The following RAB11A variants were observed in gnomAD, a reference collection of about 807,000 sequenced individuals.
RAB11A encodes RAB11A, member RAS oncogene family.
In RAB11A, 9 loss-of-function variants were observed where a neutral mutation model predicts 28.0. That is an observed-to-expected ratio of 0.32 (90% CI 0.19 to 0.56). The LOEUF is 0.56. Among genes scored for constraint, RAB11A ranks in the 20% least tolerant of loss-of-function variants. RAB11A has a pLI of 0.91. For synonymous variants in RAB11A, 85 were observed against 88.2 expected, an observed-to-expected ratio of 0.96 and a Z score of 0.20; for missense variants, 108 against 269.6, an observed-to-expected ratio of 0.40 and a Z score of 4.20.
chr15:65,878,726 G>A (rs982850794), intron 3 of RAB11A, among the ~76,000 whole-genome samples: 1 of 152,150 alleles, frequency 6.6e-6, no homozygotes, highest in African/African-American at 2.4e-5. Flanking sequence ...TCTTGCCTTT[G>A]CACTAATGCT....
At position 65,877,005 on chromosome 15, in the gene RAB11A, A is replaced by T. The variant is rs2078194995; in HGVS notation, c.41-327A>T. Among the ~76,000 whole-genome samples the T allele has an allele frequency of 6.6e-6, 1 of 152,202 alleles. No individual in the cohort carries two copies. The highest frequency in any genetic ancestry group is 2.4e-5 in the African/African-American group (1 of 41,444). ...AAGTAGTAAGATTGGCATAGCATTG[A>T]CGGTAATTAATGCCTGTCATCAATG... On this transcript the variant is annotated intron_variant, in intron 1 of 4. Transcript: ENST00000261890. The surrounding 1 kb of genome is among the most constrained non-coding windows in gnomAD (Gnocchi z 4.1).
chr15:65,883,253 C>G (rs2078234016), intron 4 of RAB11A, among the ~76,000 whole-genome samples: 1 of 152,224 alleles, frequency 6.6e-6, no homozygotes. Flanking sequence ...TCATGCGTTT[C>G]ATTCAGCAGT....
At chr15:65,875,128 TG>T (rs1215772863) in intron 1 of RAB11A, among the ~76,000 whole-genome samples, 2 of 152,118 alleles carry the variant, frequency 1.3e-5, no homozygotes, top group African/African-American at 4.8e-5. Context: ...TAGAGTACAG[TG>T]GTGCACAGTC....
At chr15:65,887,104 G>C (rs1003772281) in intron 4 of RAB11A, among the ~76,000 whole-genome samples, 8 of 151,794 alleles carry the variant, frequency 5.3e-5, no homozygotes, top group African/African-American at 1.7e-4. Flanking sequence ...TTGGGGTAAA[G>C]GTAGACTGAA....
At chr15:65,876,592 C>T (rs536236248) in intron 1 of RAB11A, among the ~76,000 whole-genome samples, 150 of 152,266 alleles carry the variant, frequency 9.9e-4, no homozygotes, top group African/African-American at 3.5e-3. Flanking sequence ...CCACCACACC[C>T]GGCACTTGCT....
intron 1 of RAB11A, among the ~76,000 whole-genome samples, chr15:65,875,708 C>T (rs959701232): frequency 1.8e-4 from 28 of 152,182 alleles, no homozygotes; most frequent in African/African-American, 6.5e-4. Flanking sequence ...GTACTCTGTC[C>T]AAGACTGTCC....
intron 1 of RAB11A, among the ~76,000 whole-genome samples, chr15:65,871,730 C>T (rs942651979): frequency 6.6e-6 from 1 of 152,122 alleles, no homozygotes; most frequent in African/African-American, 2.4e-5. Flanking sequence ...GATCCTGACT[C>T]AGGTCTTATA....
At chr15:65,872,255 T>G (rs911569536) in intron 1 of RAB11A, among the ~76,000 whole-genome samples, 2 of 150,682 alleles carry the variant, frequency 1.3e-5, no homozygotes, top group Non-Finnish European at 3.0e-5. Flanking sequence ...TGCCTGGCCT[T>G]TGTCAGTTTT....
chr15:65,877,313 G>A lies in RAB11A; in HGVS notation c.41-19G>A, dbSNP rs928570862. 7.5e-6 allele frequency: 12 copies of A among 1,589,960 alleles called. No homozygotes were observed. The highest frequency in any genetic ancestry group is 9.5e-6 in the Non-Finnish European group (11 of 1,163,596). ...ATGTTTGCCTCATTCATCTGACATTGAATTCTTTGTCTTTCCAGTTGTCCT... is the reference window on the plus strand; with the variant it reads ...ATGTTTGCCTCATTCATCTGACATTAAATTCTTTGTCTTTCCAGTTGTCCT... On this transcript the variant is annotated intron_variant, in intron 1 of 4. Transcript: ENST00000261890. The surrounding 1 kb of genome is among the most constrained non-coding windows in gnomAD (Gnocchi z 4.1).
Position 65,887,900 on chromosome 15 carries a change from A to C in RAB11A, c.*60A>C, listed in dbSNP as rs1596793812. On this transcript the variant is annotated 3_prime_UTR_variant, in exon 5 of 5. Transcript: ENST00000261890. ...GTCCATTTCCCAGGTCTGAGATTTA[A>C]ATATATTTGTAATTCTTGTGTCACT... The C allele has an allele frequency of 1.4e-6, 2 of 1,398,398 alleles. No homozygotes were observed. The allele number at this position is 1,398,398 out of a possible 1,614,324, so 86.6% of individuals were successfully genotyped here.
chr15:65,870,913 A>G (rs914667037), intron 1 of RAB11A, among the ~76,000 whole-genome samples: 1 of 151,982 alleles, frequency 6.6e-6, no homozygotes, highest in African/African-American at 2.4e-5. Flanking sequence ...TTTCAATGAG[A>G]AGAGAGTACA....
Position 65,869,548 on chromosome 15 carries a change from C to G in RAB11A, c.-38C>G, listed in dbSNP as rs1285514055. ...GCGACGCCCCCTGGTCCCACAGATA[C>G]CACTGCTGCTCCCGCCCTTTCGCTC... is the stretch of plus-strand genomic sequence containing the variant. On this transcript the variant is annotated 5_prime_UTR_variant, in exon 1 of 5. Coordinates refer to ENST00000261890, the MANE Select transcript of RAB11A (RefSeq NM_004663.5). 5 of 1,605,896 alleles carry G rather than the reference C, an allele frequency of 3.1e-6. No homozygotes were observed. The highest frequency in any genetic ancestry group is 2.2e-5 in the East Asian group (1 of 44,808).
At position 65,890,567 on chromosome 15, in the gene RAB11A, T is replaced by A. The variant is rs2078286128; in HGVS notation, c.*2727T>A. On this transcript the variant is annotated 3_prime_UTR_variant, in exon 5 of 5. Coordinates refer to ENST00000261890, the MANE Select transcript of RAB11A (RefSeq NM_004663.5). ...CAGTGATCTTTTAAGTTCTGAAGGG[T>A]TCTGCAGAAAAGTTACACTTCTTGA... 6.6e-6 allele frequency: 1 copy of A among 152,216 alleles called. No homozygotes were observed. Among genetic ancestry groups the A allele is most frequent in the African/African-American group, 2.4e-5 (1 of 41,460 alleles). The allele number at this position is 152,216 out of a possible 1,614,324, so 9.4% of individuals were successfully genotyped here. A position where few individuals can be genotyped will look rare whatever the true frequency, so the allele number is the denominator to read the frequency against.
At chr15:65,879,612 G>A in intron 3 of RAB11A, 59 bp from the exon 4 acceptor site, 1 of 1,330,298 alleles carries the variant, frequency 7.5e-7, no homozygotes, top group Non-Finnish European at 1.1e-6. Context: ...GAGGGCTTGA[G>A]TATATCCTAT....
At chr15:65,872,323 A>G (rs1223609827) in intron 1 of RAB11A, among the ~76,000 whole-genome samples, 1 of 151,960 alleles carries the variant, frequency 6.6e-6, no homozygotes, top group Non-Finnish European at 1.5e-5. Flanking sequence ...AAAGAAAATA[A>G]AACTAGGAAC....
intron 4 of RAB11A, among the ~76,000 whole-genome samples, chr15:65,880,612 C>T (rs1421366491): frequency 6.6e-6 from 1 of 151,998 alleles, no homozygotes; most frequent in Non-Finnish European, 1.5e-5. Context: ...GTATGCAGCC[C>T]CTGTATTAGA....
At chr15:65,878,294 C>A (rs929722441) in intron 3 of RAB11A, among the ~76,000 whole-genome samples, 1 of 152,178 alleles carries the variant, frequency 6.6e-6, no homozygotes, top group Non-Finnish European at 1.5e-5. Flanking sequence ...TGCTTAGGAG[C>A]TGTAACTTTT....
intron 1 of RAB11A, among the ~76,000 whole-genome samples, chr15:65,875,223 C>A (rs1166641687): frequency 6.6e-6 from 1 of 152,124 alleles, no homozygotes; most frequent in Non-Finnish European, 1.5e-5. Flanking sequence ...CAGGCATGCA[C>A]CACCGTGCCT....
At chr15:65,875,621 T>A (rs997346973) in intron 1 of RAB11A, among the ~76,000 whole-genome samples, 3 of 152,248 alleles carry the variant, frequency 2.0e-5, no homozygotes, top group African/African-American at 7.2e-5. Flanking sequence ...TTGTGCTGCA[T>A]TGGATTCACT....
Sources: gnomAD v4.1 joint callset for allele counts (sites outside exome capture counted in the v4.1 genomes callset) on GRCh38, gnomAD v4.1.1 for gene constraint, Gnocchi (gnomAD v3.1) non-coding constraint, MANE v1.5 for transcripts, NCBI Gene and HGNC (gene_info 2026-07-23, HGNC 2026-07-21) for gene names.